Variants in CELF2 observed in about 807,000 individuals in gnomAD.
The protein encoded by CELF2 is CUG triplet repeat RNA-binding protein 2.
In CELF2, 8 loss-of-function variants were observed where a neutral mutation model predicts 62.6. The observed-to-expected ratio is 0.13, with a 90% CI of 0.07 to 0.23. The LOEUF is 0.23. Among genes scored for constraint, CELF2 ranks in the 10% least tolerant of loss-of-function variants. The pLI, the probability that CELF2 is intolerant of heterozygous loss-of-function variation, is 1.00. For synonymous variants in CELF2, 258 were observed against 250.0 expected (o/e 1.03, Z -0.30); for missense variants, 333 against 671.0 (o/e 0.50, Z 5.56).
At chr10:10,780,959 G>A in the CELF2 span, among the ~76,000 whole-genome samples, 6 of 152,158 alleles carry the variant, frequency 3.9e-5, no homozygotes, top group African/African-American at 1.2e-4. Flanking sequence ...GGCTCAGCAG[G>A]TTTCAAAAAG....
At chr10:10,861,723 A>G (rs117067717) in intron 1 of CELF2, among the ~76,000 whole-genome samples, 1,979 of 152,292 alleles carry the variant, frequency 0.013, 25 homozygotes, top group Non-Finnish European at 0.019. Context: ...TTTTTAAGTA[A>G]AAGTGTTCAA....
chr10:10,913,493 C>A (rs1434522310), intron 1 of CELF2, among the ~76,000 whole-genome samples: 1 of 134,220 alleles, frequency 7.5e-6, no homozygotes, highest in Non-Finnish European at 1.5e-5. Context: ...CGGGTTCAAG[C>A]GATTCTCCTG....
intron 2 of CELF2, among the ~76,000 whole-genome samples, chr10:11,167,083 C>T (rs1180338540): frequency 1.3e-5 from 2 of 152,200 alleles, no homozygotes; most frequent in East Asian, 1.9e-4. Flanking sequence ...TTATTTGAGA[C>T]GTAGAAAGAT....
At chr10:10,631,268 C>T in the CELF2 span, among the ~76,000 whole-genome samples, 4 of 152,098 alleles carry the variant, frequency 2.6e-5, no homozygotes, top group African/African-American at 4.8e-5. Flanking sequence ...TAAACCAGGG[C>T]TAAAGAAAAC....
At chr10:10,689,237 G>A in the CELF2 span, among the ~76,000 whole-genome samples, 1 of 152,110 alleles carries the variant, frequency 6.6e-6, no homozygotes, top group Admixed American at 6.5e-5. Context: ...CATGGTGAAA[G>A]GGGAGGGGGA....
At chr10:10,510,952 G>A in the CELF2 span, among the ~76,000 whole-genome samples, 1 of 152,210 alleles carries the variant, frequency 6.6e-6, no homozygotes, top group African/African-American at 2.4e-5. Context: ...GGCACTAAAG[G>A]GAAAAGGATA....
chr10:10,493,258 T>C, the CELF2 span, among the ~76,000 whole-genome samples: 1 of 152,078 alleles, frequency 6.6e-6, no homozygotes, highest in African/African-American at 2.4e-5. Context: ...AGTAGAATGG[T>C]GATTGCCAGG....
intron 2 of CELF2, among the ~76,000 whole-genome samples, chr10:11,167,667 T>G (rs900250000): frequency 6.6e-6 from 1 of 152,220 alleles, no homozygotes; most frequent in Non-Finnish European, 1.5e-5. Context: ...TTTTGTTAAC[T>G]TCTGTTCACT....
intron 2 of CELF2, among the ~76,000 whole-genome samples, chr10:10,945,281 C>G (rs1481844671): frequency 6.6e-6 from 1 of 152,174 alleles, no homozygotes; most frequent in Non-Finnish European, 1.5e-5. Context: ...CATGCAGTAG[C>G]CTTGGGCCTT....
chr10:11,198,732 A>G (rs2399660), intron 2 of CELF2, among the ~76,000 whole-genome samples: 121,386 of 152,204 alleles, frequency 0.8, 49,651 homozygotes, highest in African/African-American at 0.92. Context: ...TCAGACTTGC[A>G]TTCTGTACAA....
the CELF2 span, among the ~76,000 whole-genome samples, chr10:10,734,534 C>T: frequency 6.6e-6 from 1 of 152,280 alleles, no homozygotes; most frequent in South Asian, 2.1e-4. Flanking sequence ...CCTGGATGTC[C>T]TCTGTAACCC....
At chr10:10,849,755 C>A (rs10905845) in intron 1 of CELF2, among the ~76,000 whole-genome samples, 36,034 of 151,574 alleles carry the variant, frequency 0.24, 4,383 homozygotes, top group South Asian at 0.3. Flanking sequence ...ATATTATGAC[C>A]AAATAGTTTC....
intron 3 of CELF2, among the ~76,000 whole-genome samples, chr10:11,235,601 G>A (rs923593452): frequency 1.3e-5 from 2 of 152,152 alleles, no homozygotes; most frequent in Non-Finnish European, 1.5e-5. Flanking sequence ...ACTGAGCAAC[G>A]CTGGAGGAGA....
At chr10:10,857,923 A>G (rs922640079) in intron 1 of CELF2, among the ~76,000 whole-genome samples, 23 of 151,884 alleles carry the variant, frequency 1.5e-4, no homozygotes, top group Admixed American at 6.6e-5. Flanking sequence ...ATTTGTACAG[A>G]CGCTAATTTT....
At chr10:11,077,753 A>G (rs1441111927) in intron 1 of CELF2, among the ~76,000 whole-genome samples, 1 of 152,162 alleles carries the variant, frequency 6.6e-6, no homozygotes, top group Non-Finnish European at 1.5e-5. Flanking sequence ...ATTATGAACA[A>G]TTCACCATAA....
intron 1 of CELF2, chr10:11,096,295 G>T (rs1044741738): frequency 6.6e-6 from 1 of 152,034 alleles, no homozygotes; most frequent in Non-Finnish European, 1.5e-5. Flanking sequence ...TTCTTTCTTT[G>T]TCTTACCTCT....
intron 1 of CELF2, among the ~76,000 whole-genome samples, chr10:11,058,717 C>G (rs774489503): frequency 1.3e-5 from 2 of 152,084 alleles, no homozygotes; most frequent in African/African-American, 4.8e-5. Flanking sequence ...ATCCACCCCC[C>G]TCAGCCTCCC....
At position 11,039,032 on chromosome 10, in the gene CELF2, C is replaced by G. The variant is rs1000360709; in HGVS notation, c.74+20869C>G. 6.6e-6 allele frequency among the ~76,000 whole-genome samples: 1 copy of G among 152,202 alleles called. No individual in the cohort carries two copies. Among genetic ancestry groups the G allele is most frequent in the East Asian group, 1.9e-4 (1 of 5,178 alleles). ...CATCCACCACCCTAAGCCAAGTGCG[C>G]CTGAGCTTCCACAGTATCCTGGACA... is the stretch of plus-strand genomic sequence containing the variant. On this transcript the variant is annotated intron_variant, in intron 1 of 12. Transcript: ENST00000633077. The surrounding 1 kb of genome is among the most constrained non-coding windows in gnomAD (Gnocchi z 4.1).
the CELF2 span, among the ~76,000 whole-genome samples, chr10:10,731,051 C>T: frequency 1.3e-5 from 2 of 152,226 alleles, no homozygotes; most frequent in East Asian, 3.9e-4. Context: ...GTTAAAATGC[C>T]ACATGGTATA....
Sources: allele counts gnomAD v4.1 joint callset (sites outside exome capture counted in the v4.1 genomes callset), GRCh38; gene constraint gnomAD v4.1.1; non-coding constraint Gnocchi (gnomAD v3.1); transcripts MANE v1.5; gene names NCBI Gene and HGNC (gene_info 2026-07-23, HGNC 2026-07-21).